The following PDE6D variants were observed in gnomAD, a reference collection of about 807,000 sequenced individuals.
PDE6D encodes the protein retinal rod rhodopsin-sensitive cGMP 3',5'-cyclic phosphodiesterase subunit delta.
In PDE6D, 10 loss-of-function variants were observed where a neutral mutation model predicts 21.9. The observed-to-expected ratio is 0.46, with a 90% CI of 0.28 to 0.78. The LOEUF is 0.78. PDE6D is among the 30% of genes least tolerant of loss of function. PDE6D has a pLI of 0.12. For synonymous variants in PDE6D, 59 were observed against 63.5 expected, an observed-to-expected ratio of 0.93 and a Z score of 0.34; for missense variants, 139 against 184.8, an observed-to-expected ratio of 0.75 and a Z score of 1.44.
chr2:231,753,832 T>C (rs2048862150), intron 1 of PDE6D, among the ~76,000 whole-genome samples: 2 of 152,214 alleles, frequency 1.3e-5, no homozygotes, highest in South Asian at 4.1e-4. Flanking sequence ...AGAAAAGTGC[T>C]AACTTCTTAG....
chr2:231,750,483 T>TG (rs1559318582), intron 1 of PDE6D, among the ~76,000 whole-genome samples: 1 of 143,516 alleles, frequency 7.0e-6, no homozygotes, highest in East Asian at 2.0e-4. Flanking sequence ...CCATATCACT[T>TG]TTTTTTTTTT....
intron 1 of PDE6D, among the ~76,000 whole-genome samples, chr2:231,757,963 A>G (rs997226205): frequency 1.3e-5 from 2 of 152,140 alleles, no homozygotes; most frequent in South Asian, 2.1e-4. Flanking sequence ...AAAAAAAAAG[A>G]AAACAAAGGA....
At chr2:231,752,290 G>A (rs181215486) in intron 1 of PDE6D, among the ~76,000 whole-genome samples, 1 of 152,294 alleles carries the variant, frequency 6.6e-6, no homozygotes, top group East Asian at 1.9e-4. Context: ...TGGAGTCCAA[G>A]TTCTATCACG....
chr2:231,750,570 C>T (rs2048831259), intron 1 of PDE6D, among the ~76,000 whole-genome samples: 1 of 148,710 alleles, frequency 6.7e-6, no homozygotes, highest in Non-Finnish European at 1.5e-5. Flanking sequence ...GATCTCAGCT[C>T]ACTGCAACCT....
chr2:231,757,076 A>G (rs1362125020), intron 1 of PDE6D, among the ~76,000 whole-genome samples: 1 of 150,834 alleles, frequency 6.6e-6, no homozygotes. Flanking sequence ...CTCCCACCTC[A>G]GCCTCCTGAG....
chr2:231,761,119 A>C (rs1355441612), intron 1 of PDE6D, among the ~76,000 whole-genome samples: 2 of 152,204 alleles, frequency 1.3e-5, no homozygotes, highest in Non-Finnish European at 2.9e-5. Context: ...AAAATCTCCA[A>C]AGGCTAAACG....
At chr2:231,763,853 G>A (rs1240775965) in intron 1 of PDE6D, among the ~76,000 whole-genome samples, 1 of 151,388 alleles carries the variant, frequency 6.6e-6, no homozygotes, top group South Asian at 2.1e-4. Context: ...TGCTCAGGCC[G>A]GTCTTGAATT....
chr2:231,733,063 AAG>A (rs2048665012), intron 4 of PDE6D, 30 bp from the exon 5 acceptor site: 3 of 1,400,020 alleles, frequency 2.1e-6, no homozygotes, highest in Non-Finnish European at 3.0e-6. Context: ...CAGAGGGCAA[AAG>A]AGAGTGAGCA....
chr2:231,765,460 A>G (rs2106281858), intron 1 of PDE6D, among the ~76,000 whole-genome samples: 1 of 152,340 alleles, frequency 6.6e-6, no homozygotes, highest in East Asian at 1.9e-4. Flanking sequence ...TTCTGCATTA[A>G]GTTTGAATTC....
At chr2:231,745,227 C>CA (rs1345230326) in intron 1 of PDE6D, among the ~76,000 whole-genome samples, 140 of 142,768 alleles carry the variant, frequency 9.8e-4, no homozygotes, top group African/African-American at 2.2e-3. Flanking sequence ...AAAACAAAAA[C>CA]ACACAAAAAA....
intron 1 of PDE6D, among the ~76,000 whole-genome samples, chr2:231,769,946 C>T (rs2049001964): frequency 6.6e-6 from 1 of 152,162 alleles, no homozygotes; most frequent in Admixed American, 6.5e-5. Context: ...TTTTCATAGA[C>T]ATTTAAGGAA....
chr2:231,733,567 G>A (rs926523990), intron 4 of PDE6D, among the ~76,000 whole-genome samples: 1 of 152,126 alleles, frequency 6.6e-6, no homozygotes, highest in African/African-American at 2.4e-5. Flanking sequence ...TCACTCACCT[G>A]GCAAAAGGGT....
intron 1 of PDE6D, among the ~76,000 whole-genome samples, chr2:231,760,453 C>T (rs561034322): frequency 6.6e-6 from 1 of 152,214 alleles, no homozygotes; most frequent in South Asian, 2.1e-4. Context: ...GGAATCTGTA[C>T]AGGTTTGAGG....
chr2:231,742,179 T>A (rs1413900162), intron 1 of PDE6D, among the ~76,000 whole-genome samples: 1 of 152,016 alleles, frequency 6.6e-6, no homozygotes, highest in African/African-American at 2.4e-5. Context: ...TGGAGTGCAA[T>A]GGCATGATCT....
At chr2:231,755,843 T>C (rs838460) in intron 1 of PDE6D, among the ~76,000 whole-genome samples, 38,991 of 151,818 alleles carry the variant, frequency 0.26, 5,226 homozygotes, top group Non-Finnish European at 0.31. Context: ...CCACTTGAAC[T>C]TCGGAGGCAG....
At chr2:231,759,526 A>C (rs1355850091) in intron 1 of PDE6D, among the ~76,000 whole-genome samples, 7 of 152,252 alleles carry the variant, frequency 4.6e-5, no homozygotes, top group Non-Finnish European at 8.8e-5. Context: ...CAAATGTCTA[A>C]AAAATTGTTA....
At chr2:231,754,357 C>CT (rs1032135919) in intron 1 of PDE6D, among the ~76,000 whole-genome samples, 35,679 of 132,622 alleles carry the variant, frequency 0.27, 5,254 homozygotes, top group Non-Finnish European at 0.29. Context: ...TGGCTTTTGT[C>CT]TTTTTTTTTT....
intron 1 of PDE6D, among the ~76,000 whole-genome samples, chr2:231,751,771 T>C (rs1262283398): frequency 6.6e-6 from 1 of 152,214 alleles, no homozygotes; most frequent in Non-Finnish European, 1.5e-5. Context: ...ATATCAAGGA[T>C]ACATGCTATC....
At chr2:231,752,831 G>GTTTTTTTTT (rs778027978) in intron 1 of PDE6D, among the ~76,000 whole-genome samples, 4 of 119,296 alleles carry the variant, frequency 3.4e-5, no homozygotes, top group Non-Finnish European at 5.1e-5. Flanking sequence ...AGAGATTTGA[G>GTTTTTTTTT]TTTTTTTTTT....
Sources: allele counts gnomAD v4.1 joint callset (sites outside exome capture counted in the v4.1 genomes callset), GRCh38; gene constraint gnomAD v4.1.1; transcripts MANE v1.5; gene names NCBI Gene and HGNC (gene_info 2026-07-23, HGNC 2026-07-21).